SWI5: variants seen among roughly 807,000 people sequenced by gnomAD.
SWI5 encodes SWI5 homologous recombination repair protein.
A neutral mutation model predicts 17.0 loss-of-function variants in SWI5; 12 were observed. The ratio of observed to expected loss-of-function variants is 0.71; its 90% CI spans 0.45 to 1.14. SWI5 has a LOEUF of 1.14. Ranked by LOEUF, SWI5 falls within the 50% of genes most tolerant of loss-of-function variation. The pLI is 0.00. For synonymous variants in SWI5, 61 were observed against 64.0 expected (o/e 0.95, Z 0.22); for missense variants, 158 against 162.2 (o/e 0.97, Z 0.14).
At chr9:128,284,630 G>A (rs1831603593) in exon 3 of SWI5, 3 of 1,613,054 alleles carry the variant, frequency 1.9e-6, no homozygotes, top group Middle Eastern at 1.6e-4. Flanking sequence ...GTTCGTATCT[G>A]AGTAAGTTTC....
chr9:128,286,444 G>T, intron 4 of SWI5: 1 of 173,150 alleles, frequency 5.8e-6, no homozygotes, highest in Non-Finnish European at 1.2e-5. Flanking sequence ...ACAAAATCTT[G>T]CTATCTAGAG....
chr9:128,276,243 T>C (rs780682122), upstream of SWI5: 16 of 1,612,378 alleles, frequency 9.9e-6, no homozygotes, highest in South Asian at 1.3e-4. Context: ...GGGGCCGGCT[T>C]TCCTTGGGTG....
chr9:128,276,724 C>T (rs768499422), exon 2 of SWI5: 1 of 1,613,476 alleles, frequency 6.2e-7, no homozygotes. Flanking sequence ...CCAAGACTTA[C>T]CCGAAGTTGC....
intron 2 of SWI5, among the ~76,000 whole-genome samples, chr9:128,277,503 G>A (rs1365018651): frequency 2.0e-5 from 3 of 152,180 alleles, no homozygotes; most frequent in African/African-American, 7.2e-5. Context: ...GCAGTAAGCC[G>A]AGATTGCACC....
At chr9:128,276,163 G>A (rs1831353863), upstream of SWI5, 2 of 1,571,998 alleles carry the variant, frequency 1.3e-6, no homozygotes, top group African/African-American at 1.4e-5. Flanking sequence ...GGCGTGGCCA[G>A]AGGGACCTGT....
At position 128,286,222 on chromosome 9, in the gene SWI5, C is replaced by T. The variant is rs575640743; in HGVS notation, c.328+189C>T. The T allele has an allele frequency of 7.1e-6, 4 of 563,074 alleles. No homozygotes were observed. In the South Asian group the frequency reaches 8.7e-5, roughly 12 times the overall value. 34.9% of individuals were successfully genotyped at this position (563,074 alleles called of 1,614,324 possible). A position where few individuals can be genotyped will look rare whatever the true frequency, so the allele number is the denominator to read the frequency against. On this transcript the variant is annotated intron_variant, in intron 4 of 4. Coordinates refer to ENST00000418976, the Ensembl canonical transcript of SWI5. ...TCTCCCTGGCCACCTAGGTTTGTTCCTCAAGTACAGAACCTGCTTTGGAGC... is the reference window on the plus strand; with the variant it reads ...TCTCCCTGGCCACCTAGGTTTGTTCTTCAAGTACAGAACCTGCTTTGGAGC...
Position 128,285,044 on chromosome 9 carries a change from C to T in SWI5, c.233+413C>T, listed in dbSNP as rs188994777. ...GTCGCACTGGCCTAGCATAGAAATACGACTGTGCGCTACTCAGGAGGCTGA... is the reference window on the plus strand; with the variant it reads ...GTCGCACTGGCCTAGCATAGAAATATGACTGTGCGCTACTCAGGAGGCTGA... On this transcript the variant is annotated intron_variant, in intron 3 of 4. Transcript: ENST00000418976. This position sits in a 1 kb window ranked among gnomAD's most constrained non-coding sequence, Gnocchi z 4.8. 1.2e-4 allele frequency among the ~76,000 whole-genome samples: 17 copies of T among 147,630 alleles called. No individual in the cohort carries two copies. The highest frequency in any genetic ancestry group is 3.8e-4 in the African/African-American group (15 of 39,692).
upstream of SWI5, chr9:128,275,403 C>A: frequency 7.8e-7 from 1 of 1,288,130 alleles, no homozygotes; most frequent in Non-Finnish European, 9.9e-7. Flanking sequence ...AGTCGCCGCT[C>A]CGCGATGGGG....
chr9:128,276,625 C>T lies in SWI5; in HGVS notation c.63-82C>T, dbSNP rs757072507. The T allele has an allele frequency of 2.7e-5, 44 of 1,612,698 alleles. No individual in the cohort carries two copies. Among genetic ancestry groups the T allele is most frequent in the Non-Finnish European group, 3.6e-5 (42 of 1,179,408 alleles). On this transcript the variant is annotated intron_variant, in intron 1 of 4. Transcript: ENST00000418976. ...CTGGCGCTCCTACTTCCCAACTGCT[C>T]CTCCTCCCGCATCCCCACAGTACCC...
chr9:128,278,202 C>T (rs907531224), intron 2 of SWI5, among the ~76,000 whole-genome samples: 15 of 152,038 alleles, frequency 9.9e-5, no homozygotes, highest in African/African-American at 9.7e-5. Context: ...GCAACCTGCC[C>T]GCCTCGGCCT....
At chr9:128,288,111 C>A (rs1234016222) in intron 4 of SWI5, among the ~76,000 whole-genome samples, 2 of 151,702 alleles carry the variant, frequency 1.3e-5, no homozygotes, top group South Asian at 4.2e-4. Flanking sequence ...AACAGAGGGG[C>A]GGTGGGGGTA....
chr9:128,275,433 G>A, upstream of SWI5: 2 of 1,297,656 alleles, frequency 1.5e-6, no homozygotes, highest in Non-Finnish European at 2.0e-6. Flanking sequence ...GCAGGGCCAG[G>A]ACCCAGGTCC....
chr9:128,279,266 C>T (rs376576924), intron 2 of SWI5, among the ~76,000 whole-genome samples: 7 of 152,058 alleles, frequency 4.6e-5, no homozygotes, highest in African/African-American at 1.4e-4. Flanking sequence ...TCCCCATGTG[C>T]GGAGACAAGA....
upstream of SWI5, chr9:128,275,974 C>T (rs757825220): frequency 3.8e-6 from 6 of 1,599,098 alleles, no homozygotes; most frequent in East Asian, 9.0e-5. Flanking sequence ...GTTGGGGCCA[C>T]ATCAGCGCGA....
At chr9:128,276,447 A>C in intron 1 of SWI5, 45 bp downstream of exon 1, 6 of 1,601,560 alleles carry the variant, frequency 3.7e-6, no homozygotes, top group Non-Finnish European at 5.1e-6. Flanking sequence ...GACTCCTCAC[A>C]GCCCTGCCCC....
chr9:128,278,109 C>T (rs943040721), intron 2 of SWI5, among the ~76,000 whole-genome samples: 17 of 152,010 alleles, frequency 1.1e-4, no homozygotes, highest in South Asian at 8.3e-4. Flanking sequence ...TGTGCCATGA[C>T]GCCTGGCTAA....
intron 2 of SWI5, among the ~76,000 whole-genome samples, chr9:128,281,183 G>A (rs1430489919): frequency 6.6e-6 from 1 of 151,788 alleles, no homozygotes; most frequent in East Asian, 1.9e-4. Flanking sequence ...GACTACAGGT[G>A]CGCACCACCA....
chr9:128,276,568 G>A, intron 1 of SWI5, 139 bp from the exon 2 acceptor site: 4 of 1,590,910 alleles, frequency 2.5e-6, no homozygotes, highest in Non-Finnish European at 3.4e-6. Context: ...TCCTGAGAGC[G>A]TGTCTGCCCC....
chr9:128,275,797 C>T, upstream of SWI5: 1 of 683,716 alleles, frequency 1.5e-6, no homozygotes, highest in Non-Finnish European at 2.4e-6. Context: ...GAGCCCAGCC[C>T]GGTGTGCCTC....
Sources: gnomAD v4.1 joint callset for allele counts (sites outside exome capture counted in the v4.1 genomes callset) on GRCh38, gnomAD v4.1.1 for gene constraint, Gnocchi (gnomAD v3.1) non-coding constraint, MANE v1.5 for transcripts, NCBI Gene and HGNC (gene_info 2026-07-23, HGNC 2026-07-21) for gene names.